Variants in SPOP observed in about 807,000 individuals in gnomAD.
The protein encoded by SPOP is speckle type BTB/POZ protein.
In SPOP, 11 loss-of-function variants were observed where a neutral mutation model predicts 45.6. That is an observed-to-expected ratio of 0.24 (90% confidence interval 0.15 to 0.40). The LOEUF is 0.40. Ranked by LOEUF, SPOP falls within the 10% of genes least tolerant of loss-of-function variation. The pLI is 1.00. For missense variants in SPOP, 152 were observed against 465.6 expected, an observed-to-expected ratio of 0.33 and a Z score of 6.20; for synonymous variants, 166 against 166.3, an observed-to-expected ratio of 1.00 and a Z score of 0.01.
chr17:49,641,589 C>G (rs964578184), intron 1 of SPOP, among the ~76,000 whole-genome samples: 2 of 151,018 alleles, frequency 1.3e-5, no homozygotes, highest in African/African-American at 4.9e-5. Context: ...AAAAAAAAAC[C>G]CAGAATGTTT....
intron 3 of SPOP, among the ~76,000 whole-genome samples, chr17:49,621,235 C>T (rs905466054): frequency 6.6e-6 from 1 of 152,204 alleles, no homozygotes; most frequent in Admixed American, 6.5e-5. Context: ...CCTGGCCACA[C>T]AGTTCAGAGA....
chr17:49,640,938 A>G (rs1422607517), intron 1 of SPOP, among the ~76,000 whole-genome samples: 1 of 151,994 alleles, frequency 6.6e-6, no homozygotes, highest in Non-Finnish European at 1.5e-5. Flanking sequence ...CCTTGTCACC[A>G]TCTCTGTGAG....
chr17:49,634,058 G>A (rs978374138), intron 1 of SPOP, among the ~76,000 whole-genome samples: 1 of 151,554 alleles, frequency 6.6e-6, no homozygotes, highest in Non-Finnish European at 1.5e-5. Context: ...GAGTTCCTCA[G>A]ATTAGACTTT....
intron 1 of SPOP, among the ~76,000 whole-genome samples, chr17:49,647,628 G>A (rs1042259901): frequency 6.6e-5 from 10 of 151,958 alleles, no homozygotes; most frequent in African/African-American, 2.4e-4. Flanking sequence ...TTACAGGGGT[G>A]TGCCACCATG....
intron 5 of SPOP, among the ~76,000 whole-genome samples, chr17:49,613,911 T>C (rs750659547): frequency 2.0e-5 from 3 of 152,164 alleles, no homozygotes; most frequent in Non-Finnish European, 4.4e-5. Context: ...GGGAGACTCA[T>C]TCAGAACTGC....
At chr17:49,672,172 G>A (rs1481877969) in intron 1 of SPOP, among the ~76,000 whole-genome samples, 6 of 152,144 alleles carry the variant, frequency 3.9e-5, no homozygotes, top group Admixed American at 3.9e-4. Flanking sequence ...CCTAACCGAT[G>A]AGGAAAATCC....
At chr17:49,658,129 G>A (rs953060763) in intron 1 of SPOP, among the ~76,000 whole-genome samples, 1 of 151,932 alleles carries the variant, frequency 6.6e-6, no homozygotes, top group African/African-American at 2.4e-5. Context: ...TTTTTTTACT[G>A]GCATAAAAGA....
intron 1 of SPOP, among the ~76,000 whole-genome samples, chr17:49,626,918 T>C (rs945754694): frequency 6.6e-6 from 1 of 151,834 alleles, no homozygotes; most frequent in Non-Finnish European, 1.5e-5. Context: ...GTGGCGATCT[T>C]GGCTCACTGC....
At chr17:49,629,143 G>C (rs1037249295) in intron 1 of SPOP, among the ~76,000 whole-genome samples, 1 of 152,162 alleles carries the variant, frequency 6.6e-6, no homozygotes, top group African/African-American at 2.4e-5. Flanking sequence ...TCAAGAGGCT[G>C]AGGCAGGAGA....
At chr17:49,673,481 G>A (rs959673634) in intron 1 of SPOP, among the ~76,000 whole-genome samples, 7 of 151,910 alleles carry the variant, frequency 4.6e-5, no homozygotes, top group Non-Finnish European at 7.4e-5. Context: ...ACTCCAGCCT[G>A]GGTGACAGAG....
In SPOP at chr17:49,605,111, A is replaced by G. The variant is rs376758351; in HGVS notation, c.837+2139T>C. Among the ~76,000 whole-genome samples the G allele has an allele frequency of 6.3e-4, 96 of 152,328 alleles. 2 individuals are homozygous for G. The South Asian group carries it at 0.019, about 30-fold the overall frequency. On this transcript the variant is annotated intron_variant, in intron 8 of 9. Coordinates refer to ENST00000504102, the MANE Select transcript of SPOP (RefSeq NM_001007228.2). ...ATCACTGACCGAATTATTTTAGGTA[A>G]TCATCATATGTCTTTGATTCTAAGA...
chr17:49,664,067 A>G (rs1404204015), intron 1 of SPOP, among the ~76,000 whole-genome samples: 1 of 152,260 alleles, frequency 6.6e-6, no homozygotes, highest in Non-Finnish European at 1.5e-5. Context: ...TATGGGTAAA[A>G]GATCCATTCA....
At chr17:49,670,390 A>T (rs1229270012) in intron 1 of SPOP, among the ~76,000 whole-genome samples, 2 of 152,224 alleles carry the variant, frequency 1.3e-5, no homozygotes, top group Non-Finnish European at 1.5e-5. Flanking sequence ...TACAACCAGG[A>T]TTTAATTTGG....
At chr17:49,665,338 G>A (rs141902666) in intron 1 of SPOP, among the ~76,000 whole-genome samples, 2,139 of 152,180 alleles carry the variant, frequency 0.014, 63 homozygotes, top group African/African-American at 0.049. Context: ...TTTGGGGCCC[G>A]GCGCAGTGGC....
At chr17:49,654,936 G>A (rs1378912820) in intron 1 of SPOP, among the ~76,000 whole-genome samples, 1 of 152,144 alleles carries the variant, frequency 6.6e-6, no homozygotes, top group Non-Finnish European at 1.5e-5. Flanking sequence ...AACAGATCCT[G>A]AATCTTTAAG....
intron 1 of SPOP, among the ~76,000 whole-genome samples, chr17:49,672,321 T>C (rs2073146398): frequency 6.6e-6 from 1 of 152,160 alleles, no homozygotes; most frequent in African/African-American, 2.4e-5. Flanking sequence ...AGTGTAACAG[T>C]ACAATGCCAA....
chr17:49,621,883 A>G lies in SPOP; in HGVS notation c.200+63T>C, dbSNP rs2143294338. 44 of 1,580,542 alleles carry G rather than the reference A, an allele frequency of 2.8e-5. No homozygotes were observed. In the South Asian group the frequency reaches 4.5e-4, roughly 16 times the overall value. ...GAAATTACATTCTTGTCAGTGTCCC[A>G]TAAAACCAAACAAAACAGACAACTT... On this transcript the variant is annotated intron_variant, in intron 3 of 9. Coordinates refer to ENST00000504102, the MANE Select transcript of SPOP (RefSeq NM_001007228.2).
intron 8 of SPOP, 95 bp from the exon 9 acceptor site, chr17:49,602,102 T>C: frequency 1.4e-6 from 2 of 1,416,026 alleles, no homozygotes; most frequent in Non-Finnish European, 9.7e-7. Context: ...TCATATTAAC[T>C]AGATACTTGA....
At chr17:49,648,222 T>C (rs961916005) in intron 1 of SPOP, among the ~76,000 whole-genome samples, 3 of 152,232 alleles carry the variant, frequency 2.0e-5, no homozygotes, top group African/African-American at 4.8e-5. Context: ...ATTCTTCACA[T>C]AGCAGCCACA....
Sources: gnomAD v4.1 joint callset for allele counts (sites outside exome capture counted in the v4.1 genomes callset) on GRCh38, gnomAD v4.1.1 for gene constraint, MANE v1.5 for transcripts, NCBI Gene and HGNC (gene_info 2026-07-23, HGNC 2026-07-21) for gene names.